QDPR: variants seen among roughly 807,000 people sequenced by gnomAD.
QDPR encodes dihydropteridine reductase.
In QDPR, 23 loss-of-function variants were observed where a neutral mutation model predicts 31.7. The observed-to-expected ratio is 0.73, with a 90% CI of 0.52 to 1.03. QDPR has a LOEUF of 1.03. Among genes scored for constraint, QDPR ranks in the 50% least tolerant of loss-of-function variants. The probability of loss-of-function intolerance (pLI) is 0.00; values close to 1 mark genes in which losing one functional copy is unlikely to be tolerated. For synonymous variants in QDPR, 124 were observed against 124.7 expected (o/e 0.99, Z 0.03); for missense variants, 324 against 323.8 (o/e 1.00, Z 0.00).
intron 1 of QDPR, 115 bp downstream of exon 1, chr4:17,511,835 A>T: frequency 9.8e-7 from 1 of 1,016,436 alleles, no homozygotes; most frequent in Non-Finnish European, 1.5e-6. Flanking sequence ...AAGCAACACG[A>T]GTCAGGGGGT....
chr4:17,491,472 C>T (rs1488917941), intron 5 of QDPR, among the ~76,000 whole-genome samples: 1 of 152,176 alleles, frequency 6.6e-6, no homozygotes, highest in East Asian at 1.9e-4. Flanking sequence ...GCTGCCTCTG[C>T]CTGGGACAGC....
At chr4:17,489,139 T>C (rs1370948657) in intron 6 of QDPR, among the ~76,000 whole-genome samples, 1 of 152,210 alleles carries the variant, frequency 6.6e-6, no homozygotes, top group East Asian at 1.9e-4. Flanking sequence ...GCAGCGTGGA[T>C]AGGTGAGTGA....
chr4:17,507,730 A>G (rs1718839630), intron 2 of QDPR, among the ~76,000 whole-genome samples: 4 of 151,882 alleles, frequency 2.6e-5, no homozygotes, highest in Non-Finnish European at 5.9e-5. Context: ...CAGCCTCCCG[A>G]GTAGCTGGGA....
At chr4:17,492,153 GA>G (rs1718187244) in intron 5 of QDPR, 78 bp downstream of exon 5, 2 of 1,259,558 alleles carry the variant, frequency 1.6e-6, no homozygotes, top group African/African-American at 1.5e-5. Context: ...GTCGCCTGTG[GA>G]AAGCTACAGT....
chr4:17,487,175 C>A lies in QDPR; in HGVS notation c.691G>T (p.Val231Leu). 6.2e-7 allele frequency: 1 copy of A among 1,614,196 alleles called. No homozygotes were observed. Among genetic ancestry groups the A allele is most frequent in the Non-Finnish European group, 8.5e-7 (1 of 1,180,022 alleles). ...RPSSGSLIQV[V>L]TTEGRTELTP... ...AGTTCCGTCCTTCCTTCTGTGGTTA[C>A]CACCTGGATTAGGCTTCCTGAGCTC... Residue 231 changes from valine to leucine, a missense_variant, in exon 7 of 7, where the codon GTA becomes TTA. Val to Leu is a conservative substitution (Grantham distance 32). Coordinates refer to ENST00000281243, the MANE Select transcript of QDPR (RefSeq NM_000320.3).
chr4:17,509,543 T>C (rs767075318), intron 1 of QDPR, among the ~76,000 whole-genome samples, 180 bp from the exon 2 acceptor site: 18 of 151,924 alleles, frequency 1.2e-4, no homozygotes, highest in Admixed American at 5.2e-4. Context: ...CTGGGCAACA[T>C]AGCAAGACCC....
At position 17,505,531 on chromosome 4, in the gene QDPR, G is replaced by C. The variant is rs1259787595; in HGVS notation, c.199-1056C>G. Among the ~76,000 whole-genome samples the C allele has an allele frequency of 2.6e-5, 4 of 152,300 alleles. No individual in the cohort carries two copies. The East Asian group carries it at 7.7e-4, about 29-fold the overall frequency. Reference sequence around the variant, plus strand: ...CAGAGTGCTGGGACAACAGGACTGAGCTACCACGCCTGGCCCAATCTTCTT... The same window carrying C: ...CAGAGTGCTGGGACAACAGGACTGACCTACCACGCCTGGCCCAATCTTCTT... On this transcript the variant is annotated intron_variant, in intron 2 of 6. Transcript: ENST00000281243.
chr4:17,510,586 A>G (rs966893199), intron 1 of QDPR, among the ~76,000 whole-genome samples: 1 of 152,208 alleles, frequency 6.6e-6, no homozygotes, highest in African/African-American at 2.4e-5. Context: ...TGGCAGGAAG[A>G]AGCTCGGAGG....
chr4:17,509,426 C>T, intron 1 of QDPR, 63 bp from the exon 2 acceptor site: 1 of 1,455,314 alleles, frequency 6.9e-7, no homozygotes, highest in South Asian at 1.1e-5. Flanking sequence ...AAGAGTCACA[C>T]ATAGAAATGA....
chr4:17,511,830 A>T lies in QDPR; in HGVS notation c.105+120T>A, dbSNP rs575898473. On this transcript the variant is annotated intron_variant, in intron 1 of 6. Transcript: ENST00000281243. ...AGACCTGTGCGCGCACGTGCAAGCA[A>T]CACGAGTCAGGGGGTGCACAGGGGC... 345 of 982,462 alleles carry T rather than the reference A, an allele frequency of 3.5e-4. 3 individuals are homozygous for T. The African/African-American group carries it at 5.1e-3, about 14-fold the overall frequency. The allele number at this position is 982,462 out of a possible 1,614,324, so 60.9% of individuals were successfully genotyped here. A position where few individuals can be genotyped will look rare whatever the true frequency, so the allele number is the denominator to read the frequency against.
intron 4 of QDPR, among the ~76,000 whole-genome samples, chr4:17,495,552 AT>A (rs2108989491): frequency 6.6e-6 from 1 of 152,318 alleles, no homozygotes; most frequent in East Asian, 1.9e-4. Context: ...ATGGGATCCA[AT>A]GCTAAGCTAA....
chr4:17,487,507 G>A (rs186438698), intron 6 of QDPR, among the ~76,000 whole-genome samples: 23 of 151,772 alleles, frequency 1.5e-4, no homozygotes, highest in African/African-American at 4.1e-4. Flanking sequence ...AAAATTGGCC[G>A]TGGTAGCACG....
At chr4:17,507,166 G>A (rs1422518619) in intron 2 of QDPR, among the ~76,000 whole-genome samples, 5 of 152,118 alleles carry the variant, frequency 3.3e-5, no homozygotes, top group Admixed American at 3.3e-4. Flanking sequence ...GCAGACCCAC[G>A]TACAGACCAA....
intron 4 of QDPR, among the ~76,000 whole-genome samples, chr4:17,497,279 C>T (rs1393471120): frequency 6.6e-6 from 1 of 152,094 alleles, no homozygotes; most frequent in African/African-American, 2.4e-5. Context: ...AATTTAAAAA[C>T]TGATTAAATT....
chr4:17,503,444 T>C (rs994534489), intron 3 of QDPR, among the ~76,000 whole-genome samples: 3 of 152,224 alleles, frequency 2.0e-5, no homozygotes, highest in Non-Finnish European at 2.9e-5. Context: ...GGGCTTATTC[T>C]TTGGAGAAAC....
At chr4:17,488,651 C>T (rs1210896441) in intron 6 of QDPR, among the ~76,000 whole-genome samples, 1 of 152,196 alleles carries the variant, frequency 6.6e-6, no homozygotes, top group Non-Finnish European at 1.5e-5. Context: ...CATTTGAGTA[C>T]ATCATCCATT....
intron 1 of QDPR, chr4:17,509,901 C>G (rs953452572): frequency 2.2e-6 from 1 of 454,486 alleles, no homozygotes; most frequent in South Asian, 1.6e-5. Flanking sequence ...CAAGGGCCAG[C>G]AAATTTTCTG....
At chr4:17,488,109 C>T (rs1376314143) in intron 6 of QDPR, among the ~76,000 whole-genome samples, 2 of 151,840 alleles carry the variant, frequency 1.3e-5, no homozygotes, top group East Asian at 3.9e-4. Flanking sequence ...TAAAAAAATA[C>T]AAAAAATAGC....
At chr4:17,505,094 T>C (rs1718710875) in intron 2 of QDPR, among the ~76,000 whole-genome samples, 1 of 152,204 alleles carries the variant, frequency 6.6e-6, no homozygotes, top group East Asian at 1.9e-4. Flanking sequence ...ATTGAAAATA[T>C]ATGTATGCCC....
Sources: gnomAD v4.1 joint callset for allele counts (sites outside exome capture counted in the v4.1 genomes callset) on GRCh38, gnomAD v4.1.1 for gene constraint, MANE v1.5 for transcripts, NCBI Gene and HGNC (gene_info 2026-07-23, HGNC 2026-07-21) for gene names.